The following SLC24A3 variants were observed in gnomAD, a reference collection of about 807,000 sequenced individuals.
SLC24A3 encodes the protein sodium/potassium/calcium exchanger 3.
Under a neutral mutation model 75.8 loss-of-function variants are expected in SLC24A3, and 28 were observed. The observed-to-expected ratio is 0.37, with a 90% CI of 0.27 to 0.51. The LOEUF is 0.51. Ranked by LOEUF, SLC24A3 falls within the 20% of genes least tolerant of loss-of-function variation. The pLI, the probability that SLC24A3 is intolerant of heterozygous loss-of-function variation, is 0.94. For synonymous variants in SLC24A3, 372 were observed against 334.1 expected, an observed-to-expected ratio of 1.11 and a Z score of -1.24; for missense variants, 663 against 847.8, an observed-to-expected ratio of 0.78 and a Z score of 2.71.
intron 2 of SLC24A3, among the ~76,000 whole-genome samples, chr20:19,419,874 T>C (rs1986888816): frequency 7.0e-6 from 1 of 142,018 alleles, no homozygotes; most frequent in African/African-American, 2.6e-5. Flanking sequence ...CATGTGCACA[T>C]TGTGCAGGTT....
At chr20:19,261,262 G>A (rs1463732720) in intron 1 of SLC24A3, among the ~76,000 whole-genome samples, 1 of 152,208 alleles carries the variant, frequency 6.6e-6, no homozygotes, top group East Asian at 1.9e-4. Flanking sequence ...ATGGAGACAT[G>A]ATGTGAGGTA....
In SLC24A3 at chr20:19,645,261, C is replaced by T. The variant is rs146880448; in HGVS notation, c.613-8801C>T. On this transcript the variant is annotated intron_variant, in intron 6 of 16. Coordinates refer to ENST00000328041, the MANE Select transcript of SLC24A3 (RefSeq NM_020689.4). ...ACACACTATTCTGCAAAGGGATCCA[C>T]AGAGTGTCAGGGGCGCATAGCACAG... Among the ~76,000 whole-genome samples, 39 of 152,296 alleles carry T rather than the reference C, an allele frequency of 2.6e-4. 1 individual carries two copies. In the East Asian group the frequency reaches 5.0e-3, roughly 20 times the overall value.
chr20:19,722,809 CACTTAT>C lies in SLC24A3; in HGVS notation c.*1670_*1675del, dbSNP rs1424752375. 6.6e-6 allele frequency: 1 copy of C among 152,610 alleles called. No homozygotes were observed. The highest frequency in any genetic ancestry group is 1.5e-5 in the Non-Finnish European group (1 of 68,036). The allele number at this position is 152,610 out of a possible 1,614,324, so 9.5% of individuals were successfully genotyped here. On this transcript the variant is annotated 3_prime_UTR_variant, in exon 17 of 17. Coordinates refer to ENST00000328041, the MANE Select transcript of SLC24A3 (RefSeq NM_020689.4). ...AATTTGGGCTCTCAGAGCTAAGACA[CACTTAT>C]TGATTCTGTTGCACATTTTGCACTG...
intron 6 of SLC24A3, 54 bp downstream of exon 6, chr20:19,585,598 G>A (rs1338263158): frequency 1.6e-5 from 24 of 1,540,122 alleles, no homozygotes; most frequent in East Asian, 2.2e-5. Context: ...GGAAAGGGGA[G>A]GCATGGAGTT....
chr20:19,520,789 T>C (rs184867891), intron 3 of SLC24A3, among the ~76,000 whole-genome samples: 1 of 152,332 alleles, frequency 6.6e-6, no homozygotes, highest in Admixed American at 6.5e-5. Context: ...GAATTTTATC[T>C]GGTCTGGGAA....
intron 12 of SLC24A3, among the ~76,000 whole-genome samples, chr20:19,692,410 G>A (rs912420273): frequency 2.6e-5 from 4 of 152,126 alleles, no homozygotes; most frequent in Admixed American, 2.0e-4. Context: ...ATAACAAATC[G>A]TAGCACATTC....
At chr20:19,243,125 C>A in intron 1 of SLC24A3, among the ~76,000 whole-genome samples, 1 of 152,148 alleles carries the variant, frequency 6.6e-6, no homozygotes, top group East Asian at 1.9e-4. Flanking sequence ...GGCTTTTACT[C>A]TCCAAATAAC....
chr20:19,494,674 C>T (rs1475699304), intron 2 of SLC24A3, among the ~76,000 whole-genome samples: 2 of 152,102 alleles, frequency 1.3e-5, no homozygotes, highest in Admixed American at 6.6e-5. Flanking sequence ...CTAGGGTCTT[C>T]CTGAGCCTGG....
intron 2 of SLC24A3, chr20:19,283,136 T>C (rs1219629467): frequency 1.3e-5 from 2 of 152,658 alleles, no homozygotes; most frequent in Non-Finnish European, 2.9e-5. Flanking sequence ...TTGATTTCCT[T>C]ACCTGCAGAC....
At chr20:19,353,494 G>A (rs753453491) in intron 2 of SLC24A3, among the ~76,000 whole-genome samples, 2 of 152,166 alleles carry the variant, frequency 1.3e-5, no homozygotes, top group African/African-American at 2.4e-5. Flanking sequence ...ACTGGAATCT[G>A]TTTGCTCATC....
intron 6 of SLC24A3, among the ~76,000 whole-genome samples, chr20:19,596,664 A>T (rs2031456814): frequency 6.6e-6 from 1 of 152,186 alleles, no homozygotes; most frequent in Non-Finnish European, 1.5e-5. Context: ...ACTTGTAGTG[A>T]AAGCCCTGAT....
chr20:19,452,668 A>G (rs950291942), intron 2 of SLC24A3, among the ~76,000 whole-genome samples: 9 of 151,974 alleles, frequency 5.9e-5, no homozygotes, highest in Admixed American at 2.0e-4. Flanking sequence ...TAATTGTGCT[A>G]TAGATGGGAT....
At position 19,513,735 on chromosome 20, in the gene SLC24A3, T is replaced by TAAA. The variant is rs1568640205; in HGVS notation, c.272-1753_272-1752insAAA. ...CACACAGGTGGGTCTTGCTTTTTTTTTAGAAAAAAAAAAAAAGCCTTTTTG... is the reference window on the plus strand; with the variant it reads ...CACACAGGTGGGTCTTGCTTTTTTTTAAATAGAAAAAAAAAAAAAGCCTTTTTG... On this transcript the variant is annotated intron_variant, in intron 2 of 16. Coordinates refer to ENST00000328041, the MANE Select transcript of SLC24A3 (RefSeq NM_020689.4). Among the ~76,000 whole-genome samples, 238 of 96,854 alleles carry TAAA rather than the reference T, an allele frequency of 2.5e-3. 1 individual carries two copies. Among genetic ancestry groups the TAAA allele is most frequent in the African/African-American group, 9.6e-3 (213 of 22,182 alleles). The allele number at this position is 96,854 out of a possible 152,430, so 63.5% of individuals were successfully genotyped here.
intron 1 of SLC24A3, among the ~76,000 whole-genome samples, chr20:19,240,352 C>A (rs955915194): frequency 9.9e-5 from 15 of 152,132 alleles, no homozygotes; most frequent in African/African-American, 3.6e-4. Flanking sequence ...ACCACACTGT[C>A]CTACTTCTAG....
intron 3 of SLC24A3, among the ~76,000 whole-genome samples, chr20:19,531,486 G>A (rs1473543879): frequency 1.3e-5 from 2 of 152,176 alleles, no homozygotes; most frequent in Non-Finnish European, 2.9e-5. Context: ...GAGGTGTCTG[G>A]GGCCTTCCCC....
chr20:19,358,765 C>T (rs1000318347), intron 2 of SLC24A3, among the ~76,000 whole-genome samples: 1 of 152,198 alleles, frequency 6.6e-6, no homozygotes, highest in Non-Finnish European at 1.5e-5. Flanking sequence ...CGTTAGCAGT[C>T]GCTCCCCACT....
At chr20:19,645,879 C>A (rs1205355055) in intron 6 of SLC24A3, among the ~76,000 whole-genome samples, 1 of 152,026 alleles carries the variant, frequency 6.6e-6, no homozygotes, top group Non-Finnish European at 1.5e-5. Flanking sequence ...CATGCAAAAA[C>A]TCCATCTCTA....
intron 6 of SLC24A3, among the ~76,000 whole-genome samples, chr20:19,597,022 T>C (rs2031460774): frequency 6.6e-6 from 1 of 152,232 alleles, no homozygotes; most frequent in African/African-American, 2.4e-5. Flanking sequence ...CTGACAAGCC[T>C]TATCTCTACT....
At chr20:19,401,391 G>T (rs1377874142) in intron 2 of SLC24A3, among the ~76,000 whole-genome samples, 6 of 152,198 alleles carry the variant, frequency 3.9e-5, no homozygotes, top group Non-Finnish European at 8.8e-5. Flanking sequence ...TGTTGCATCT[G>T]ATAGTCTACT....
Sources: allele counts gnomAD v4.1 joint callset (sites outside exome capture counted in the v4.1 genomes callset), GRCh38; gene constraint gnomAD v4.1.1; transcripts MANE v1.5; gene names NCBI Gene and HGNC (gene_info 2026-07-23, HGNC 2026-07-21).